The following RAB3C variants were observed in gnomAD, a reference collection of about 807,000 sequenced individuals.
RAB3C encodes ras-related protein Rab-3C.
RAB3C carries 17 observed loss-of-function variants against 26.4 expected under a neutral mutation model. The observed-to-expected ratio is 0.64, with a 90% CI of 0.44 to 0.97. RAB3C has a LOEUF of 0.97. Ranked by LOEUF, RAB3C falls within the 50% of genes least tolerant of loss-of-function variation. The probability of loss-of-function intolerance (pLI) is 0.00; values close to 1 mark genes in which losing one functional copy is unlikely to be tolerated. For synonymous variants in RAB3C, 91 were observed against 95.9 expected (o/e 0.95, Z 0.30); for missense variants, 242 against 281.9 (o/e 0.86, Z 1.01).
At chr5:58,651,139 G>A (rs1007660675) in intron 2 of RAB3C, among the ~76,000 whole-genome samples, 1 of 152,156 alleles carries the variant, frequency 6.6e-6, no homozygotes, top group Non-Finnish European at 1.5e-5. Context: ...GCAACCTGCA[G>A]GATCAGCAAT....
chr5:58,739,174 C>G (rs1437874110), intron 3 of RAB3C, among the ~76,000 whole-genome samples: 2 of 152,208 alleles, frequency 1.3e-5, no homozygotes, highest in African/African-American at 4.8e-5. Context: ...CACTGTCCAT[C>G]AAGTCTGCTT....
At chr5:58,685,256 T>G (rs573725040) in intron 2 of RAB3C, among the ~76,000 whole-genome samples, 2 of 152,182 alleles carry the variant, frequency 1.3e-5, no homozygotes, top group Non-Finnish European at 2.9e-5. Context: ...TCTTATGTTC[T>G]TGGGGTTAGA....
intron 1 of RAB3C, among the ~76,000 whole-genome samples, chr5:58,597,154 TATATATTATATAATAATATATACTACATA>T (rs1561260686): frequency 3.8e-3 from 14 of 3,716 alleles, no homozygotes; most frequent in South Asian, 0.026. Flanking sequence ...TACTACATAA[TATATATTATATAATAATATATACTACATA>T]ATATATTATA....
intron 3 of RAB3C, among the ~76,000 whole-genome samples, chr5:58,805,589 GAA>G (rs1554019798): frequency 9.3e-6 from 1 of 107,146 alleles, no homozygotes; most frequent in East Asian, 3.0e-4. Flanking sequence ...GACTCCATCT[GAA>G]AAAAAAAAAA....
rs1749189465 is a variant in RAB3C, at chr5:58,717,174, C to A, written c.253-8828C>A. Among the ~76,000 whole-genome samples the A allele has an allele frequency of 2.0e-5, 3 of 152,020 alleles. No homozygotes were observed. The South Asian group carries it at 6.2e-4, about 32-fold the overall frequency. The stretch of plus-strand genomic sequence containing the variant: ...AAACAAATCTCAGTACTGTTGAGCC[C>A]AGTTTAAAAAGGCAAAATTGTCATA... On this transcript the variant is annotated intron_variant, in intron 2 of 4. Transcript: ENST00000282878.
chr5:58,763,966 A>G (rs1741846296), intron 3 of RAB3C, among the ~76,000 whole-genome samples: 1 of 152,208 alleles, frequency 6.6e-6, no homozygotes, highest in Admixed American at 6.5e-5. Flanking sequence ...GAAGCCTTTC[A>G]ACTTGTCCTA....
rs985772905 is a variant in RAB3C, at chr5:58,638,458, G to A, written c.252+20588G>A. On this transcript the variant is annotated intron_variant, in intron 2 of 4. Coordinates refer to ENST00000282878, the MANE Select transcript of RAB3C (RefSeq NM_138453.4). The stretch of plus-strand genomic sequence containing the variant: ...CCTTAATTTTTTTTATTCTCATGGA[G>A]TTATATTTATCAATTATTTTCTTAA... Among the ~76,000 whole-genome samples, 6 of 151,780 alleles carry A rather than the reference G, an allele frequency of 4.0e-5. No homozygotes were observed. The South Asian group carries it at 8.3e-4, about 21-fold the overall frequency.
At position 58,853,216 on chromosome 5, in the gene RAB3C, G is replaced by C. The variant is rs1744153336; in HGVS notation, c.*1865G>C. 1 of 152,202 alleles carries C rather than the reference G, an allele frequency of 6.6e-6. No individual in the cohort carries two copies. Among genetic ancestry groups the C allele is most frequent in the African/African-American group, 2.4e-5 (1 of 41,460 alleles). The allele number at this position is 152,202 out of a possible 1,614,324, so 9.4% of individuals were successfully genotyped here. On this transcript the variant is annotated 3_prime_UTR_variant, in exon 5 of 5. Transcript: ENST00000282878. ...TCACAGGAATTACAGTGACGGGAGA[G>C]AAAGAAGCAGGAGGCATAAAAACAG...
At chr5:58,798,951 A>AG (rs1742740126) in intron 3 of RAB3C, among the ~76,000 whole-genome samples, 1 of 152,216 alleles carries the variant, frequency 6.6e-6, no homozygotes, top group South Asian at 2.1e-4. Flanking sequence ...AAAGTTCGGG[A>AG]GGAGTCTAAA....
chr5:58,815,797 T>C (rs1437165288), intron 3 of RAB3C: 8 of 152,194 alleles, frequency 5.3e-5, no homozygotes, highest in African/African-American at 2.4e-5. Flanking sequence ...AGTTGAGGTC[T>C]CTGTCCTCAT....
intron 2 of RAB3C, among the ~76,000 whole-genome samples, chr5:58,648,019 G>C (rs947695173): frequency 1.3e-5 from 2 of 152,176 alleles, no homozygotes; most frequent in Non-Finnish European, 2.9e-5. Context: ...AAAAACCACA[G>C]TTTTTATCTA....
chr5:58,714,153 C>T (rs994543876), intron 2 of RAB3C, among the ~76,000 whole-genome samples: 2 of 151,940 alleles, frequency 1.3e-5, no homozygotes, highest in Non-Finnish European at 2.9e-5. Flanking sequence ...TATTTCCTAG[C>T]CAATAGGAAG....
At chr5:58,717,467 C>G (rs900371203) in intron 2 of RAB3C, among the ~76,000 whole-genome samples, 1 of 152,116 alleles carries the variant, frequency 6.6e-6, no homozygotes, top group Admixed American at 6.6e-5. Context: ...GTGTGACAGA[C>G]ATCTGAATGC....
chr5:58,734,006 G>C (rs1216104065), intron 3 of RAB3C, among the ~76,000 whole-genome samples: 1 of 152,082 alleles, frequency 6.6e-6, no homozygotes, highest in Non-Finnish European at 1.5e-5. Context: ...ATACAATGAG[G>C]AACTATAAAT....
At chr5:58,845,817 A>T (rs1357445117) in intron 4 of RAB3C, among the ~76,000 whole-genome samples, 1 of 151,750 alleles carries the variant, frequency 6.6e-6, no homozygotes, top group Non-Finnish European at 1.5e-5. Flanking sequence ...ATATTTTCAT[A>T]ACCCCAGAAA....
chr5:58,697,064 C>T (rs1748716496), intron 2 of RAB3C, among the ~76,000 whole-genome samples: 1 of 152,182 alleles, frequency 6.6e-6, no homozygotes, highest in Non-Finnish European at 1.5e-5. Flanking sequence ...GCATTTAGTG[C>T]TATAAATTTC....
chr5:58,762,946 C>T (rs373841409), intron 3 of RAB3C, among the ~76,000 whole-genome samples: 27 of 152,178 alleles, frequency 1.8e-4, no homozygotes, highest in African/African-American at 6.5e-4. Context: ...TATGAGAGAA[C>T]TAGGTAGCTG....
chr5:58,655,957 C>T (rs1747762604), intron 2 of RAB3C, among the ~76,000 whole-genome samples: 1 of 151,964 alleles, frequency 6.6e-6, no homozygotes, highest in Non-Finnish European at 1.5e-5. Flanking sequence ...CCACCACGCC[C>T]GGCTAATTTT....
chr5:58,701,162 A>G (rs1421433574), intron 2 of RAB3C, among the ~76,000 whole-genome samples: 2 of 151,760 alleles, frequency 1.3e-5, no homozygotes, highest in African/African-American at 4.8e-5. Flanking sequence ...TGCCCAGCTA[A>G]TTTTTTGATT....
Sources: allele counts gnomAD v4.1 joint callset (sites outside exome capture counted in the v4.1 genomes callset), GRCh38; gene constraint gnomAD v4.1.1; transcripts MANE v1.5; gene names NCBI Gene and HGNC (gene_info 2026-07-23, HGNC 2026-07-21).